BTBD16: variants seen among roughly 807,000 people sequenced by gnomAD.
The protein encoded by BTBD16 is BTB domain containing 16, also known as BTB/POZ domain-containing protein 16.
In BTBD16, 66 loss-of-function variants were observed where a neutral mutation model predicts 67.4. That is an observed-to-expected ratio of 0.98 (90% confidence interval 0.80 to 1.20). The LOEUF (loss-of-function observed/expected upper bound fraction) is 1.20. Among genes scored for constraint, BTBD16 ranks in the 50% most tolerant of loss-of-function variants. BTBD16 has a pLI of 0.00. For synonymous variants in BTBD16, 242 were observed against 236.4 expected, an observed-to-expected ratio of 1.02 and a Z score of -0.22; for missense variants, 634 against 616.0, an observed-to-expected ratio of 1.03 and a Z score of -0.31.
At chr10:122,292,566 G>C (rs2096376090) in intron 7 of BTBD16, among the ~76,000 whole-genome samples, 1 of 152,228 alleles carries the variant, frequency 6.6e-6, no homozygotes, top group African/African-American at 2.4e-5. Context: ...TTGTGGTTCT[G>C]ACCCTCCCTT....
In BTBD16 at chr10:122,336,495, G is replaced by T. The variant is rs1169835847; in HGVS notation, c.1265G>T (p.Arg422Ile). ...TAAGGTGAATCACTCTCTTTGCAGA[G>T]AATAAAGCACACAGACCTGGAATCT... ...DTTSYSFYMQ[R>I]IKHTDLESPS... The change falls in exon 15 of 16, where the codon AGA becomes ATA. Residue 422 changes from arginine to isoleucine, a missense_variant and splice_region_variant. By Grantham distance (97) the Arg-to-Ile change is moderately conservative. Coordinates refer to ENST00000260723, the MANE Select transcript of BTBD16 (RefSeq NM_144587.5). 12 of 1,603,160 alleles carry T rather than the reference G, an allele frequency of 7.5e-6. No homozygotes were observed. Among genetic ancestry groups the T allele is most frequent in the Non-Finnish European group, 1.0e-5 (12 of 1,175,540 alleles).
At chr10:122,288,434 C>T (rs995044974) in intron 5 of BTBD16, among the ~76,000 whole-genome samples, 7 of 152,184 alleles carry the variant, frequency 4.6e-5, no homozygotes, top group Admixed American at 3.3e-4. Flanking sequence ...CCTTTGCTCT[C>T]TCTTTCTTTA....
At position 122,283,871 on chromosome 10, in the gene BTBD16, A is replaced by G. The variant is rs780115777; in HGVS notation, c.188A>G (p.Gln63Arg). The change falls in exon 4 of 16, where the codon CAG becomes CGG. Residue 63 changes from glutamine (Q) to arginine (R), a missense_variant. Physicochemically the swap from Gln to Arg is conservative, Grantham distance 43. Coordinates refer to ENST00000260723, the MANE Select transcript of BTBD16 (RefSeq NM_144587.5). ...TTGAGGTTATGCATTTCACAAATCC[A>G]GAAGTTTTTCTTTGAGAATTTCAAG... is the stretch of plus-strand genomic sequence containing the variant. The part of the protein sequence containing the change: ...NPDRLCISQI[Q>R]KFFFENFKNK... The G allele has an allele frequency of 1.9e-6, 3 of 1,614,152 alleles. 1 individual carries two copies. The highest frequency in any genetic ancestry group is 2.2e-5 in the South Asian group (2 of 91,076).
intron 3 of BTBD16, among the ~76,000 whole-genome samples, chr10:122,281,658 T>G (rs7076349): frequency 0.65 from 98,101 of 152,076 alleles, 33,128 homozygotes; most frequent in East Asian, 0.89. Flanking sequence ...AGGCATGTCC[T>G]TGCAAGTTAT....
chr10:122,277,485 G>GA (rs2096343368), intron 3 of BTBD16, among the ~76,000 whole-genome samples: 1 of 152,104 alleles, frequency 6.6e-6, no homozygotes, highest in Admixed American at 6.6e-5. Context: ...AATTTATAAA[G>GA]AAAAAAGGTT....
At chr10:122,298,095 T>G (rs1385637007) in intron 8 of BTBD16, among the ~76,000 whole-genome samples, 1 of 152,196 alleles carries the variant, frequency 6.6e-6, no homozygotes, top group Non-Finnish European at 1.5e-5. Context: ...ATAGCCTTTC[T>G]CACCGAAACA....
At chr10:122,292,451 T>C (rs2096375818) in intron 7 of BTBD16, among the ~76,000 whole-genome samples, 1 of 152,202 alleles carries the variant, frequency 6.6e-6, no homozygotes, top group Non-Finnish European at 1.5e-5. Flanking sequence ...AGCTGCCAAG[T>C]AGAGAAGCCA....
chr10:122,307,381 G>A, intron 10 of BTBD16, 73 bp downstream of exon 10: 1 of 1,410,194 alleles, frequency 7.1e-7, no homozygotes, highest in South Asian at 1.5e-5. Flanking sequence ...TAATATCACG[G>A]GGGAAAACCA....
chr10:122,286,684 G>A (rs1027516633), intron 5 of BTBD16, among the ~76,000 whole-genome samples: 7 of 152,190 alleles, frequency 4.6e-5, no homozygotes, highest in African/African-American at 1.7e-4. Context: ...CCCTAAGTAT[G>A]CTGGTTTGAG....
chr10:122,291,229 GC>G, intron 7 of BTBD16, 35 bp downstream of exon 7: 1 of 1,591,602 alleles, frequency 6.3e-7, no homozygotes, highest in South Asian at 1.1e-5. Flanking sequence ...GCAGGGCCGG[GC>G]CTGGGGGAAA....
intron 11 of BTBD16, 50 bp from the exon 12 acceptor site, chr10:122,331,126 G>T: frequency 6.3e-7 from 1 of 1,592,080 alleles, no homozygotes; most frequent in African/African-American, 1.4e-5. Flanking sequence ...GACTTTTGAG[G>T]CTCTGGTGTG....
At chr10:122,282,441 G>A (rs76424168) in intron 3 of BTBD16, among the ~76,000 whole-genome samples, 1,875 of 152,312 alleles carry the variant, frequency 0.012, 46 homozygotes, top group African/African-American at 0.042. Flanking sequence ...TTCTGGACAC[G>A]GGCTCCCACC....
chr10:122,293,938 T>C (rs1268965327), intron 7 of BTBD16: 1 of 164,996 alleles, frequency 6.1e-6, no homozygotes, highest in African/African-American at 2.4e-5. Context: ...TATCCAGAGA[T>C]GAACCAAGAA....
At chr10:122,316,055 T>C (rs1042011694) in intron 10 of BTBD16, among the ~76,000 whole-genome samples, 3 of 152,096 alleles carry the variant, frequency 2.0e-5, no homozygotes, top group Non-Finnish European at 2.9e-5. Flanking sequence ...TCACCTGAGG[T>C]TGGGAGTTTG....
chr10:122,336,788 CCCT>C, intron 15 of BTBD16, 106 bp downstream of exon 15: 1 of 1,028,724 alleles, frequency 9.7e-7, no homozygotes, highest in East Asian at 2.9e-5. Flanking sequence ...CACTGAAGAT[CCCT>C]GGAAAATCTG....
chr10:122,310,323 G>A (rs1228067387), intron 10 of BTBD16, among the ~76,000 whole-genome samples: 2 of 152,186 alleles, frequency 1.3e-5, no homozygotes, highest in Non-Finnish European at 2.9e-5. Flanking sequence ...GCTTGGTGGC[G>A]CCCTGGGTCC....
At chr10:122,326,856 A>G (rs1257112512) in intron 10 of BTBD16, among the ~76,000 whole-genome samples, 1 of 152,186 alleles carries the variant, frequency 6.6e-6, no homozygotes, top group African/African-American at 2.4e-5. Context: ...TAAGTGCTAA[A>G]CCAAAAGAGG....
At chr10:122,322,120 AT>A (rs1330704144) in intron 10 of BTBD16, among the ~76,000 whole-genome samples, 1 of 151,764 alleles carries the variant, frequency 6.6e-6, no homozygotes, top group East Asian at 1.9e-4. Flanking sequence ...TATTTTATTC[AT>A]TTTTTTAAAA....
chr10:122,335,931 C>A (rs1259486165), intron 14 of BTBD16, among the ~76,000 whole-genome samples: 1 of 152,064 alleles, frequency 6.6e-6, no homozygotes, highest in Non-Finnish European at 1.5e-5. Flanking sequence ...TGCAGTGGCA[C>A]AATCTTGGGT....
Sources: allele counts gnomAD v4.1 joint callset (sites outside exome capture counted in the v4.1 genomes callset), GRCh38; gene constraint gnomAD v4.1.1; transcripts MANE v1.5; gene names NCBI Gene and HGNC (gene_info 2026-07-23, HGNC 2026-07-21).